PLD5: variants seen among roughly 807,000 people sequenced by gnomAD.
PLD5 encodes the protein phospholipase D family member 5.
PLD5 carries 36 observed loss-of-function variants against 61.1 expected under a neutral mutation model. That is an observed-to-expected ratio of 0.59 (90% CI 0.45 to 0.78). The LOEUF (loss-of-function observed/expected upper bound fraction) is 0.78, where lower values mean the gene tolerates loss of function less well. Ranked by LOEUF, PLD5 falls within the 30% of genes least tolerant of loss-of-function variation. The pLI, the probability that PLD5 is intolerant of heterozygous loss-of-function variation, is 0.00. For synonymous variants in PLD5, 243 were observed against 242.8 expected, an observed-to-expected ratio of 1.00 and a Z score of -0.01; for missense variants, 515 against 644.4, an observed-to-expected ratio of 0.80 and a Z score of 2.17.
chr1:242,504,564 C>T (rs1304459496), intron 1 of PLD5, among the ~76,000 whole-genome samples: 1 of 138,182 alleles, frequency 7.2e-6, no homozygotes, highest in Non-Finnish European at 1.5e-5. Flanking sequence ...ATTACTGCCT[C>T]CATCCATGAA....
At chr1:242,387,967 T>C (rs1008582455) in intron 1 of PLD5, among the ~76,000 whole-genome samples, 11 of 152,100 alleles carry the variant, frequency 7.2e-5, no homozygotes, top group Non-Finnish European at 5.9e-5. Flanking sequence ...AAGGGAAATA[T>C]TGATAATGCA....
At chr1:242,417,701 C>T (rs1442567760) in intron 1 of PLD5, among the ~76,000 whole-genome samples, 1 of 152,186 alleles carries the variant, frequency 6.6e-6, no homozygotes, top group Non-Finnish European at 1.5e-5. Context: ...CGTTATGGGG[C>T]TTGCTTCCCT....
chr1:242,530,027 G>A, the PLD5 span, among the ~76,000 whole-genome samples: 1 of 152,078 alleles, frequency 6.6e-6, no homozygotes, highest in Non-Finnish European at 1.5e-5. Flanking sequence ...CAGAGTAACT[G>A]AGATTACAGG....
At chr1:242,144,958 C>T (rs1402630026) in intron 5 of PLD5, among the ~76,000 whole-genome samples, 1 of 152,102 alleles carries the variant, frequency 6.6e-6, no homozygotes, top group South Asian at 2.1e-4. Context: ...AAAGAGTAAA[C>T]AAGAATTTGG....
intron 2 of PLD5, among the ~76,000 whole-genome samples, chr1:242,301,539 G>A (rs1676035096): frequency 6.6e-6 from 1 of 152,034 alleles, no homozygotes. Flanking sequence ...GAAGGACAAT[G>A]TTCAACACCA....
At chr1:242,322,728 G>C (rs1363424049) in intron 2 of PLD5, among the ~76,000 whole-genome samples, 2 of 152,158 alleles carry the variant, frequency 1.3e-5, no homozygotes, top group African/African-American at 4.8e-5. Flanking sequence ...TTTCTCTCCT[G>C]CTGCCATGTA....
intron 3 of PLD5, among the ~76,000 whole-genome samples, chr1:242,270,694 T>C (rs1674010431): frequency 6.6e-6 from 1 of 152,130 alleles, no homozygotes; most frequent in Non-Finnish European, 1.5e-5. Flanking sequence ...TTCTTAGCCC[T>C]ATATGAGTGT....
chr1:242,411,273 T>C (rs1664536918), intron 1 of PLD5, among the ~76,000 whole-genome samples: 1 of 152,146 alleles, frequency 6.6e-6, no homozygotes, highest in Admixed American at 6.5e-5. Context: ...TCTCGCTCTA[T>C]CGCCCAGGCT....
At chr1:242,393,591 T>G (rs1663104585) in intron 1 of PLD5, among the ~76,000 whole-genome samples, 1 of 97,450 alleles carries the variant, frequency 1.0e-5, no homozygotes, top group Non-Finnish European at 1.9e-5. Flanking sequence ...AGTATACATA[T>G]GTGTATATAT....
At chr1:242,173,384 T>A (rs1461901697) in intron 5 of PLD5, among the ~76,000 whole-genome samples, 2 of 152,026 alleles carry the variant, frequency 1.3e-5, no homozygotes, top group East Asian at 3.9e-4. Flanking sequence ...CAAACCACTG[T>A]TCAACGAAAT....
intron 4 of PLD5, among the ~76,000 whole-genome samples, chr1:242,224,564 C>G (rs988222656): frequency 6.6e-6 from 1 of 152,058 alleles, no homozygotes; most frequent in Admixed American, 6.6e-5. Context: ...TCAATATTCA[C>G]GGGGGTTATT....
chr1:242,447,912 CT>C (rs1489810820), intron 1 of PLD5, among the ~76,000 whole-genome samples: 1 of 152,170 alleles, frequency 6.6e-6, no homozygotes, highest in African/African-American at 2.4e-5. Flanking sequence ...CTTTATAATC[CT>C]TAAAGGAATG....
chr1:242,214,894 T>TTTTC (rs1670056827), intron 5 of PLD5, among the ~76,000 whole-genome samples: 1 of 143,650 alleles, frequency 7.0e-6, no homozygotes, highest in Non-Finnish European at 1.5e-5. Context: ...TTTTTTTTTT[T>TTTTC]GAGATGGAGT....
At chr1:242,419,777 C>T (rs1488182883) in intron 1 of PLD5, among the ~76,000 whole-genome samples, 1 of 151,960 alleles carries the variant, frequency 6.6e-6, no homozygotes, top group Non-Finnish European at 1.5e-5. Flanking sequence ...TGAAGTAGTT[C>T]ACCAGCCTTT....
At chr1:242,196,015 A>G (rs1248536789) in intron 5 of PLD5, among the ~76,000 whole-genome samples, 1 of 152,182 alleles carries the variant, frequency 6.6e-6, no homozygotes, top group Non-Finnish European at 1.5e-5. Flanking sequence ...AATGAGAACC[A>G]GGCAGGCTTT....
chr1:242,182,046 G>A (rs1430492347), intron 5 of PLD5, among the ~76,000 whole-genome samples: 1 of 152,160 alleles, frequency 6.6e-6, no homozygotes, highest in Non-Finnish European at 1.5e-5. Context: ...ACATATAGTT[G>A]CTTCCCTAAA....
intron 6 of PLD5, among the ~76,000 whole-genome samples, chr1:242,115,913 A>G (rs1035739704): frequency 5.9e-5 from 9 of 152,160 alleles, no homozygotes; most frequent in Non-Finnish European, 1.0e-4. Context: ...TTATAAAAAT[A>G]TGGTGTTTGT....
chr1:242,296,248 T>C (rs1487800227), intron 2 of PLD5, among the ~76,000 whole-genome samples: 3 of 152,238 alleles, frequency 2.0e-5, no homozygotes, highest in Non-Finnish European at 4.4e-5. Flanking sequence ...TTCTTGTTGG[T>C]TTAAGTTCCT....
At chr1:242,170,211 CT>C (rs2148873668) in intron 5 of PLD5, among the ~76,000 whole-genome samples, 1 of 152,290 alleles carries the variant, frequency 6.6e-6, no homozygotes, top group East Asian at 1.9e-4. Context: ...ATGTGCCCCT[CT>C]GGGATGAAGA....
Sources: gnomAD v4.1 joint callset for allele counts (sites outside exome capture counted in the v4.1 genomes callset) on GRCh38, gnomAD v4.1.1 for gene constraint, MANE v1.5 for transcripts, NCBI Gene and HGNC (gene_info 2026-07-23, HGNC 2026-07-21) for gene names.